Variants in FHOD3 observed in about 807,000 individuals in gnomAD.
FHOD3 encodes the protein FH1/FH2 domain-containing protein 3.
In FHOD3, 90 loss-of-function variants were observed where a neutral mutation model predicts 173.0. The observed-to-expected ratio is 0.52, with a 90% CI of 0.44 to 0.62. The LOEUF (loss-of-function observed/expected upper bound fraction) is 0.62, where lower values mean the gene tolerates loss of function less well. FHOD3 is among the 20% of genes least tolerant of loss of function. The pLI, the probability that FHOD3 is intolerant of heterozygous loss-of-function variation, is 0.00. For synonymous variants in FHOD3, 828 were observed against 823.0 expected (o/e 1.01, Z -0.10); for missense variants, 1,945 against 2,034.7 (o/e 0.96, Z 0.85).
intron 7 of FHOD3, among the ~76,000 whole-genome samples, chr18:36,595,146 T>C (rs934804631): frequency 1.3e-5 from 2 of 152,186 alleles, no homozygotes; most frequent in Non-Finnish European, 2.9e-5. Context: ...TGTCTTTGCC[T>C]CTACCCAGCT....
intron 2 of FHOD3, 54 bp downstream of exon 2, chr18:36,355,699 G>T (rs746596723): frequency 2.5e-4 from 352 of 1,402,934 alleles, no homozygotes; most frequent in Non-Finnish European, 3.3e-4. Flanking sequence ...GGAAATGGGG[G>T]TACATTGAGG....
At chr18:36,302,164 T>C (rs984243865) in intron 1 of FHOD3, among the ~76,000 whole-genome samples, 2 of 152,180 alleles carry the variant, frequency 1.3e-5, no homozygotes, top group Admixed American at 1.3e-4. Flanking sequence ...ATGTTCTCCT[T>C]CCAGGCAGCC....
intron 7 of FHOD3, among the ~76,000 whole-genome samples, chr18:36,599,425 G>C (rs2031013574): frequency 6.6e-6 from 1 of 152,228 alleles, no homozygotes; most frequent in Non-Finnish European, 1.5e-5. Flanking sequence ...TTCTGCTTAA[G>C]AGTATATCTA....
intron 1 of FHOD3, among the ~76,000 whole-genome samples, chr18:36,300,372 C>T (rs2091927442): frequency 6.6e-6 from 1 of 152,212 alleles, no homozygotes; most frequent in South Asian, 2.1e-4. Flanking sequence ...ACTTTTAGGC[C>T]TGGGGACAGG....
At chr18:36,770,431 T>G (rs573680209) in intron 28 of FHOD3, among the ~76,000 whole-genome samples, 10 of 152,372 alleles carry the variant, frequency 6.6e-5, no homozygotes, top group Admixed American at 6.5e-4. Context: ...CCAGTGGTTC[T>G]GCTTGACCCA....
chr18:36,386,364 G>A (rs1398959), intron 3 of FHOD3, among the ~76,000 whole-genome samples: 32,502 of 152,106 alleles, frequency 0.21, 4,079 homozygotes, highest in East Asian at 0.67. Flanking sequence ...TGGGCTGACC[G>A]GGCACTCCTC....
At chr18:36,707,514 C>T (rs2039948556) in intron 17 of FHOD3, among the ~76,000 whole-genome samples, 1 of 152,206 alleles carries the variant, frequency 6.6e-6, no homozygotes, top group Non-Finnish European at 1.5e-5. Flanking sequence ...TCTTCCCTGC[C>T]CAGCTAACTC....
At chr18:36,482,623 C>T (rs890598662) in intron 3 of FHOD3, among the ~76,000 whole-genome samples, 3 of 152,130 alleles carry the variant, frequency 2.0e-5, no homozygotes, top group Non-Finnish European at 4.4e-5. Context: ...CCCGTGGTTC[C>T]TCTGCTGTGG....
chr18:36,482,654 A>C (rs533169132), intron 3 of FHOD3, among the ~76,000 whole-genome samples: 1 of 152,316 alleles, frequency 6.6e-6, no homozygotes, highest in East Asian at 1.9e-4. Context: ...CAGAGTCACC[A>C]GGACTTTTTG....
At chr18:36,473,426 G>A (rs569033448) in intron 3 of FHOD3, among the ~76,000 whole-genome samples, 7 of 152,218 alleles carry the variant, frequency 4.6e-5, no homozygotes, top group East Asian at 1.9e-4. Context: ...ACAAACAAAC[G>A]AAATGCAGCA....
At chr18:36,434,459 A>G (rs540944878) in intron 3 of FHOD3, among the ~76,000 whole-genome samples, 7 of 152,262 alleles carry the variant, frequency 4.6e-5, no homozygotes, top group African/African-American at 1.7e-4. Context: ...CTTGATTACC[A>G]TTGTTGTATT....
chr18:36,642,470 T>C lies in FHOD3; in HGVS notation c.1197-6846T>C, dbSNP rs543586261. 7.3e-5 allele frequency among the ~76,000 whole-genome samples: 11 copies of C among 150,824 alleles called. No homozygotes were observed. In the South Asian group the frequency reaches 1.5e-3, roughly 20 times the overall value. ...CCGTCTCTACTAAAAATACAAAAAA[T>C]TAGCCGGGCGTGGTGGCGGGTGCCT... On this transcript the variant is annotated intron_variant, in intron 10 of 28. Coordinates refer to ENST00000590592, the MANE Select transcript of FHOD3 (RefSeq NM_001281740.3).
chr18:36,604,533 G>C (rs2031839272), intron 8 of FHOD3, among the ~76,000 whole-genome samples: 1 of 152,110 alleles, frequency 6.6e-6, no homozygotes, highest in Non-Finnish European at 1.5e-5. Context: ...GGTGGGGACG[G>C]GTTAGGTACT....
chr18:36,574,494 T>C (rs1167763815), intron 5 of FHOD3, among the ~76,000 whole-genome samples: 1 of 152,156 alleles, frequency 6.6e-6, no homozygotes, highest in Non-Finnish European at 1.5e-5. Context: ...AACATATTTG[T>C]TGTCATAGAT....
At position 36,590,921 on chromosome 18, in the gene FHOD3, C is replaced by G. The variant is rs145402722; in HGVS notation, c.607-3866C>G. Among the ~76,000 whole-genome samples, 394 of 152,282 alleles carry G rather than the reference C, an allele frequency of 2.6e-3. 1 individual carries two copies. The highest frequency in any genetic ancestry group is 9.0e-3 in the African/African-American group (373 of 41,564). On this transcript the variant is annotated intron_variant, in intron 6 of 28. Transcript: ENST00000590592. ...CCACAGAGATACTCAGAGGGAGCCT[C>G]TGTGAGGTGGGCTAAGGGGCCTTGC... is the stretch of plus-strand genomic sequence containing the variant.
At chr18:36,368,921 CCTGGGGATTA>C (rs1419793844) in intron 2 of FHOD3, among the ~76,000 whole-genome samples, 4 of 152,130 alleles carry the variant, frequency 2.6e-5, no homozygotes, top group African/African-American at 9.7e-5. Flanking sequence ...CTCCCTCACA[CCTGGGGATTA>C]CAAGTCAAGA....
chr18:36,531,352 T>C (rs1161583144), intron 5 of FHOD3, among the ~76,000 whole-genome samples: 2 of 152,190 alleles, frequency 1.3e-5, no homozygotes, highest in African/African-American at 4.8e-5. Flanking sequence ...CTTTCCCCTT[T>C]GATAACCTTG....
At chr18:36,648,376 C>T (rs1433991473) in intron 10 of FHOD3, among the ~76,000 whole-genome samples, 1 of 152,122 alleles carries the variant, frequency 6.6e-6, no homozygotes, top group East Asian at 1.9e-4. Context: ...GGACCATGAC[C>T]ACATAAGTCG....
Position 36,687,115 on chromosome 18 carries a change from A to G in FHOD3, c.1971-13A>G, listed in dbSNP as rs375136004. 473 of 1,600,334 alleles carry G rather than the reference A, an allele frequency of 3.0e-4. 1 individual carries two copies. The highest frequency in any genetic ancestry group is 3.8e-4 in the Non-Finnish European group (448 of 1,168,724). On this transcript the variant is annotated splice_polypyrimidine_tract_variant and intron_variant, in intron 15 of 28. Coordinates refer to ENST00000590592, the MANE Select transcript of FHOD3 (RefSeq NM_001281740.3). ...TTCTTTTCCTGTTTGTTTGTTCTAC[A>G]TATTTCCATTAGCCGAGATTATTTA... is the stretch of plus-strand genomic sequence containing the variant.
Sources: gnomAD v4.1 joint callset for allele counts (sites outside exome capture counted in the v4.1 genomes callset) on GRCh38, gnomAD v4.1.1 for gene constraint, MANE v1.5 for transcripts, NCBI Gene and HGNC (gene_info 2026-07-23, HGNC 2026-07-21) for gene names.